The following AVPR2 variants were observed in gnomAD, a reference collection of about 807,000 sequenced individuals.
AVPR2 encodes the protein arginine vasopressin receptor 2, also known as vasopressin V2 receptor.
In AVPR2, 3 loss-of-function variants were observed where a neutral mutation model predicts 12.0. That is an observed-to-expected ratio of 0.25 (90% CI 0.11 to 0.64). AVPR2 has a LOEUF of 0.64. Ranked by LOEUF, AVPR2 falls within the 30% of genes least tolerant of loss-of-function variation. The pLI is 0.84. For synonymous variants in AVPR2, 143 were observed against 147.5 expected (o/e 0.97, Z 0.22); for missense variants, 279 against 347.9 (o/e 0.80, Z 1.58).
Position 153,907,062 on chromosome X carries a change from GA to G in AVPR2, c.*338del, listed in dbSNP as rs782805285. ...GGTGAGACAGCGGTCCCAGGGGCCT[GA>G]AAAGGAAGGACCAGGCTGGGGCCAG... On this transcript the variant is annotated 3_prime_UTR_variant, in exon 4 of 4. Coordinates refer to ENST00000646375, the MANE Select transcript of AVPR2 (RefSeq NM_000054.7). The G allele has an allele frequency of 3.7e-5, 16 of 428,420 alleles. No homozygotes were observed. In the East Asian group the frequency reaches 8.3e-4, roughly 22 times the overall value. 35.3% of individuals were successfully genotyped at this position (428,420 alleles called of 1,213,427 possible). A position where few individuals can be genotyped will look rare whatever the true frequency, so the allele number is the denominator to read the frequency against.
Position 153,906,857 on chromosome X carries a change from C to T in AVPR2, c.*129C>T, listed in dbSNP as rs782022257. On this transcript the variant is annotated 3_prime_UTR_variant, in exon 4 of 4. Coordinates refer to ENST00000646375, the MANE Select transcript of AVPR2 (RefSeq NM_000054.7). ...AGAGCCTGTGGCCCCGAGGCTGGGA[C>T]ACTGTGTGGCCCTGGACAAGCCACA... The T allele has an allele frequency of 4.2e-6, 3 of 714,211 alleles. No homozygotes were observed. The South Asian group carries it at 7.0e-5, about 17-fold the overall frequency. The allele number at this position is 714,211 out of a possible 1,213,427, so 58.9% of individuals were successfully genotyped here. A position where few individuals can be genotyped will look rare whatever the true frequency, so the allele number is the denominator to read the frequency against.
At chrX:153,905,329 C>CTGGGGA (rs1380013577) in intron 2 of AVPR2, among the ~76,000 whole-genome samples, 159 bp downstream of exon 2, 1 of 112,371 alleles carries the variant, frequency 8.9e-6, no homozygotes, top group Admixed American at 9.3e-5. Flanking sequence ...CCCGCCAGGG[C>CTGGGGA]TGGGGCTGGG....
At chrX:153,903,990 T>C (rs1264787501), upstream of AVPR2, among the ~76,000 whole-genome samples, 1 of 110,039 alleles carries the variant, frequency 9.1e-6, no homozygotes, top group East Asian at 2.9e-4. Flanking sequence ...TCCATACTCA[T>C]GGTATGTTCA....
upstream of AVPR2, among the ~76,000 whole-genome samples, chrX:153,904,344 G>A (rs1186761473): frequency 2.7e-5 from 3 of 113,025 alleles, no homozygotes; most frequent in African/African-American, 9.6e-5. Flanking sequence ...GCGAGGAGCA[G>A]GAGGACCCCA....
At chrX:153,903,652 C>T (rs943346089), upstream of AVPR2, among the ~76,000 whole-genome samples, 2 of 111,568 alleles carry the variant, frequency 1.8e-5, no homozygotes, top group Non-Finnish European at 3.8e-5. Context: ...GTTCCCACCA[C>T]CCTAACAGGG....
At chrX:153,902,918 C>A (rs977212770), upstream of AVPR2, 1 of 262,740 alleles carries the variant, frequency 3.8e-6, no homozygotes, top group African/African-American at 2.8e-5. Context: ...TCGCCCTAGC[C>A]GGCTTTAGAC....
Position 153,907,044 on chromosome X carries a change from C to A in AVPR2, c.*316C>A. On this transcript the variant is annotated 3_prime_UTR_variant, in exon 4 of 4. Transcript: ENST00000646375. ...AGGGAGCAGGTGCCCCCAGGTGAGA[C>A]AGCGGTCCCAGGGGCCTGAAAAGGA... 2.3e-6 allele frequency: 1 copy of A among 443,637 alleles called. No homozygotes were observed. Among genetic ancestry groups the A allele is most frequent in the Non-Finnish European group, 4.1e-6 (1 of 242,565 alleles). The allele number at this position is 443,637 out of a possible 1,213,427, so 36.6% of individuals were successfully genotyped here. A position where few individuals can be genotyped will look rare whatever the true frequency, so the allele number is the denominator to read the frequency against.
At chrX:153,902,903 A>G (rs2064940939), upstream of AVPR2, 1 of 271,522 alleles carries the variant, frequency 3.7e-6, no homozygotes, top group Non-Finnish European at 7.2e-6. Context: ...GTTAGCATGG[A>G]TTCCTCGCCC....
chrX:153,904,916 G>A (rs982378884), intron 1 of AVPR2, 58 bp from the exon 2 acceptor site: 2 of 483,517 alleles, frequency 4.1e-6, no homozygotes, highest in Non-Finnish European at 7.3e-6. Flanking sequence ...CTGCCTGGGG[G>A]ATCCTGGGTT....
rs1454738020 is a variant in AVPR2 at position 153,907,047 on chromosome X, C to T, written c.*319C>T. ...GAGCAGGTGCCCCCAGGTGAGACAG[C>T]GGTCCCAGGGGCCTGAAAAGGAAGG... On this transcript the variant is annotated 3_prime_UTR_variant, in exon 4 of 4. Coordinates refer to ENST00000646375, the MANE Select transcript of AVPR2 (RefSeq NM_000054.7). 15 of 439,073 alleles carry T rather than the reference C, an allele frequency of 3.4e-5. No individual in the cohort carries two copies. Among genetic ancestry groups the T allele is most frequent in the Non-Finnish European group, 5.4e-5 (13 of 240,264 alleles). 36.2% of individuals were successfully genotyped at this position (439,073 alleles called of 1,213,427 possible).
chrX:153,903,262 T>C (rs2064942388), upstream of AVPR2, among the ~76,000 whole-genome samples: 2 of 113,221 alleles, frequency 1.8e-5, no homozygotes, highest in South Asian at 3.5e-4. Flanking sequence ...AGGATGTGCA[T>C]GCGCTGAGGA....
chrX:153,905,028 C>T lies in AVPR2; in HGVS notation c.-118C>T. 1 of 1,033,236 alleles carries T rather than the reference C, an allele frequency of 9.7e-7. No individual in the cohort carries two copies. 85.2% of individuals were successfully genotyped at this position (1,033,236 alleles called of 1,213,427 possible). A position where few individuals can be genotyped will look rare whatever the true frequency, so the allele number is the denominator to read the frequency against. On this transcript the variant is annotated 5_prime_UTR_variant, in exon 2 of 4. Transcript: ENST00000646375. ...CACACGCCAACAGGCATCTGCCATG[C>T]TGGCATCTCTATAAGGGCTCCAGTC...
Position 153,905,969 on chromosome X carries a change from C to T in AVPR2, c.463C>T (p.His155Tyr). 3 of 1,204,997 alleles carry T rather than the reference C, an allele frequency of 2.5e-6. No homozygotes were observed. The highest frequency in any genetic ancestry group is 3.3e-6 in the Non-Finnish European group (3 of 895,656). Residue 155 changes from histidine to tyrosine, a missense_variant, in exon 3 of 4, where the codon CAC (histidine) becomes TAC (tyrosine). Transcript: ENST00000646375. ...GGCGTACCGCCATGGAAGTGGGGCT[C>T]ACTGGAACCGGCCGGTGCTAGTGGC... is the stretch of plus-strand genomic sequence containing the variant. ...MLAYRHGSGA[H>Y]WNRPVLVAWA... is the part of the protein sequence containing the mutation.
rs1442554115 is a variant in AVPR2, at chrX:153,905,828, C to T, written c.322C>T (p.Pro108Ser). The T allele has an allele frequency of 3.1e-5, 37 of 1,205,850 alleles. No homozygotes were observed. The Admixed American group carries it at 7.8e-4, about 25-fold the overall frequency. ...AWKATDRFRG[P>S]DALCRAVKYL... ...GAAGGCCACCGACCGCTTCCGTGGG[C>T]CAGATGCCCTGTGTCGGGCCGTGAA... is the stretch of plus-strand genomic sequence containing the variant. The change falls in exon 3 of 4, where the codon CCA becomes TCA. Residue 108 changes from proline (P) to serine (S), a missense_variant. By Grantham distance (74) the Pro-to-Ser change is moderately conservative. Coordinates refer to ENST00000646375, the MANE Select transcript of AVPR2 (RefSeq NM_000054.7).
rs1557100884 is a variant in AVPR2, at chrX:153,906,311, A to T, written c.805A>T (p.Thr269Ser). 8.3e-7 allele frequency: 1 copy of T among 1,212,032 alleles called. No individual in the cohort carries two copies. Among genetic ancestry groups the T allele is most frequent in the Non-Finnish European group, 1.1e-6 (1 of 895,517 alleles). ...CCACGTGTCAGCAGCTGTGGCCAAG[A>T]CTGTGAGGATGACGCTAGTGATTGT... Reference protein sequence around the residue: ...GAHVSAAVAKTVRMTLVIVVV... With the variant: ...GAHVSAAVAKSVRMTLVIVVV... Residue 269 changes from threonine (T) to serine (S), a missense_variant, in exon 3 of 4, where the codon ACT (threonine) becomes TCT (serine). Thr to Ser is a moderately conservative substitution (Grantham distance 58). Transcript: ENST00000646375.
chrX:153,904,820 A>T (rs2064951275), intron 1 of AVPR2, 49 bp downstream of exon 1: 1 of 393,780 alleles, frequency 2.5e-6, no homozygotes, highest in Non-Finnish European at 4.5e-6. Context: ...CAGCCCTCGG[A>T]TGGTGGCCTC....
chrX:153,906,526 C>T lies in AVPR2; in HGVS notation c.914C>T (p.Ala305Val), dbSNP rs138974323. The T allele has an allele frequency of 4.5e-5, 54 of 1,206,773 alleles. No homozygotes were observed. The African/African-American group carries it at 4.5e-4, about 10-fold the overall frequency. Reference protein sequence around the residue: ...AWDPEAPLEGAPFVLLMLLAS... With the variant: ...AWDPEAPLEGVPFVLLMLLAS... The stretch of plus-strand genomic sequence containing the variant: ...CCTAGATCCTCCACCTCCACAGGGG[C>T]GCCCTTTGTGCTACTCATGTTGCTG... Residue 305 changes from alanine to valine, a missense_variant, in exon 4 of 4, where the codon GCG (alanine) becomes GTG (valine). Coordinates refer to ENST00000646375, the MANE Select transcript of AVPR2 (RefSeq NM_000054.7).
rs13306212 is a variant in AVPR2 at position 153,906,169 on chromosome X, C to T, written c.663C>T (p.Ile221=). ...TGTTCGTGGCACCTACCCTGGGTAT[C>T]GCCGCCTGCCAGGTGCTCATCTTCC... ...LMVFVAPTLG[I]AACQVLIFRE... is the part of the protein sequence containing the mutation. The change falls in exon 3 of 4, where the codon ATC becomes ATT. Residue 221 remains isoleucine, a synonymous_variant. Transcript: ENST00000646375. The T allele has an allele frequency of 9.1e-6, 11 of 1,211,114 alleles. No homozygotes were observed. In the Admixed American group the frequency reaches 1.1e-4, roughly 12 times the overall value.
chrX:153,906,087 C>T lies in AVPR2; in HGVS notation c.581C>T (p.Ala194Val). Reference protein sequence around the residue: ...EGGSGVTDCWACFAEPWGRRT... With the variant: ...EGGSGVTDCWVCFAEPWGRRT... ...GGCAGCGGGGTCACTGACTGCTGGG[C>T]CTGCTTTGCGGAGCCCTGGGGCCGT... The change falls in exon 3 of 4, where the codon GCC (alanine) becomes GTC (valine). Residue 194 changes from alanine to valine, a missense_variant. Coordinates refer to ENST00000646375, the MANE Select transcript of AVPR2 (RefSeq NM_000054.7). 8.2e-7 allele frequency: 1 copy of T among 1,212,246 alleles called. No individual in the cohort carries two copies. Among genetic ancestry groups the T allele is most frequent in the South Asian group, 1.8e-5 (1 of 57,053 alleles).
Sources: gnomAD v4.1 joint callset for allele counts (sites outside exome capture counted in the v4.1 genomes callset) on GRCh38, gnomAD v4.1.1 for gene constraint, MANE v1.5 for transcripts, NCBI Gene and HGNC (gene_info 2026-07-23, HGNC 2026-07-21) for gene names.